Variants in THTPA observed in about 807,000 individuals in gnomAD.
The protein encoded by THTPA is thiamine-triphosphatase.
In THTPA, 16 loss-of-function variants were observed where a neutral mutation model predicts 16.5. That is an observed-to-expected ratio of 0.97 (90% CI 0.66 to 1.47). The LOEUF is 1.47. Among genes scored for constraint, THTPA ranks in the 40% most tolerant of loss-of-function variants. The probability of loss-of-function intolerance (pLI) is 0.00; values close to 1 mark genes in which losing one functional copy is unlikely to be tolerated. For synonymous variants in THTPA, 110 were observed against 115.5 expected (o/e 0.95, Z 0.30); for missense variants, 281 against 280.9 (o/e 1.00, Z 0.00).
chr14:23,552,710 T>C (rs1009863467), upstream of THTPA, among the ~76,000 whole-genome samples: 1 of 152,008 alleles, frequency 6.6e-6, no homozygotes, highest in African/African-American at 2.4e-5. Context: ...CAAGTGATTC[T>C]CCTGCCTCAG....
the THTPA span, chr14:23,538,052 C>T: frequency 1.3e-5 from 2 of 152,368 alleles, no homozygotes; most frequent in African/African-American, 4.8e-5. Context: ...CTAGGCAGAC[C>T]TAAGCCCCAA....
chr14:23,547,453 C>T, the THTPA span, among the ~76,000 whole-genome samples: 1 of 152,186 alleles, frequency 6.6e-6, no homozygotes. Flanking sequence ...TCTTTGGAAA[C>T]AACTCTCAAC....
the THTPA span, chr14:23,522,449 G>C: frequency 6.5e-7 from 1 of 1,536,316 alleles, no homozygotes; most frequent in African/African-American, 1.4e-5. Context: ...TGCTGTGGCT[G>C]TGGGCTCAGG....
the THTPA span, among the ~76,000 whole-genome samples, chr14:23,536,736 A>C: frequency 2.6e-5 from 4 of 152,220 alleles, no homozygotes; most frequent in African/African-American, 9.6e-5. Flanking sequence ...CTAGAAATGG[A>C]CTGATGAGGC....
chr14:23,521,649 G>A, the THTPA span: 1 of 321,540 alleles, frequency 3.1e-6, no homozygotes, highest in Non-Finnish European at 5.7e-6. Context: ...GATATATTTT[G>A]TGTGTGGTAG....
chr14:23,556,087 G>A (rs1005015997), upstream of THTPA: 1 of 152,672 alleles, frequency 6.5e-6, no homozygotes, highest in Non-Finnish European at 1.5e-5. Flanking sequence ...GGAGCAGAAT[G>A]CAAGGGGCGG....
chr14:23,535,112 C>T, the THTPA span: 1 of 1,536,216 alleles, frequency 6.5e-7, no homozygotes, highest in Non-Finnish European at 8.7e-7. The surrounding 1 kb of genome is among the most constrained non-coding windows in gnomAD (Gnocchi z 4.5). Context: ...TCCCCAATCT[C>T]CTTTGGTGGG....
upstream of THTPA, among the ~76,000 whole-genome samples, chr14:23,552,005 A>G (rs1882002025): frequency 6.6e-6 from 1 of 152,182 alleles, no homozygotes; most frequent in Non-Finnish European, 1.5e-5. Flanking sequence ...TGGCCTGCAG[A>G]AACCATACAT....
At position 23,559,981 on chromosome 14, in the gene THTPA, C is replaced by G; in HGVS notation, c.*1141C>G. 6.2e-7 allele frequency: 1 copy of G among 1,613,064 alleles called. No homozygotes were observed. Among genetic ancestry groups the G allele is most frequent in the African/African-American group, 1.3e-5 (1 of 75,024 alleles). ...TCTGAAGAGCTGGGTGATAGGAAGG[C>G]CACCCCGAGCTGGAACTGTGTTCCC... On this transcript the variant is annotated 3_prime_UTR_variant, in exon 2 of 2. Coordinates refer to ENST00000288014, the MANE Select transcript of THTPA (RefSeq NM_024328.6).
the THTPA span, chr14:23,526,853 C>T: frequency 1.3e-6 from 2 of 1,529,662 alleles, no homozygotes; most frequent in Non-Finnish European, 1.7e-6. Flanking sequence ...TTACCTGCTG[C>T]CTGGTCTCTG....
the THTPA span, chr14:23,514,579 C>G: frequency 6.6e-6 from 1 of 152,414 alleles, no homozygotes; most frequent in Non-Finnish European, 1.5e-5. Context: ...TCTCCTCCCC[C>G]TCCCTTCGCC....
chr14:23,557,060 G>C lies in THTPA; in HGVS notation c.303G>C (p.Leu101=). 14 of 1,614,236 alleles carry C rather than the reference G, an allele frequency of 8.7e-6. No individual in the cohort carries two copies. Among genetic ancestry groups the C allele is most frequent in the Non-Finnish European group, 1.2e-5 (14 of 1,180,046 alleles). ...GTAAGGTGCTGCGGGCTGACGGCCT[G>C]GGGGCTGGAGATGTGGCTGCTGTGC... The part of the protein sequence containing the change: ...QLCKVLRADG[L]GAGDVAAVLG... Residue 101 remains leucine (L), a synonymous_variant, in exon 1 of 2, where the codon CTG becomes CTC. Coordinates refer to ENST00000288014, the MANE Select transcript of THTPA (RefSeq NM_024328.6).
the THTPA span, chr14:23,529,691 C>T: frequency 6.5e-7 from 1 of 1,535,602 alleles, no homozygotes; most frequent in African/African-American, 1.4e-5. Context: ...CAGCTCTTCC[C>T]AGTTACCCCA....
chr14:23,531,781 CTTT>C, the THTPA span: 6 of 1,078,834 alleles, frequency 5.6e-6, no homozygotes, highest in South Asian at 7.7e-5. Flanking sequence ...CCTCAGGGGA[CTTT>C]TTTTTTTTTT....
the THTPA span, among the ~76,000 whole-genome samples, chr14:23,544,887 C>T: frequency 6.6e-6 from 1 of 152,108 alleles, no homozygotes; most frequent in Non-Finnish European, 1.5e-5. Flanking sequence ...TTCTGCTCCT[C>T]CTACCAGGTT....
chr14:23,538,818 G>A, the THTPA span, among the ~76,000 whole-genome samples: 20 of 152,152 alleles, frequency 1.3e-4, no homozygotes, highest in Non-Finnish European at 2.6e-4. Context: ...GGGCCTCTGT[G>A]AAGGAGAGGG....
chr14:23,527,901 CTTTTTTT>C, the THTPA span: 122 of 448,910 alleles, frequency 2.7e-4, no homozygotes, highest in Admixed American at 5.6e-4. Context: ...GCCCCCACTC[CTTTTTTT>C]TTTTTTTTTT....
At chr14:23,549,713 T>C in the THTPA span, among the ~76,000 whole-genome samples, 1 of 152,168 alleles carries the variant, frequency 6.6e-6, no homozygotes, top group African/African-American at 2.4e-5. Flanking sequence ...AAAATCAAAG[T>C]TGACAGTTAA....
At chr14:23,516,816 G>A in the THTPA span, among the ~76,000 whole-genome samples, 1 of 152,202 alleles carries the variant, frequency 6.6e-6, no homozygotes, top group African/African-American at 2.4e-5. Flanking sequence ...AGCACAGCAT[G>A]GGTCATTCTT....
Sources: gnomAD v4.1 joint callset for allele counts (sites outside exome capture counted in the v4.1 genomes callset) on GRCh38, gnomAD v4.1.1 for gene constraint, Gnocchi (gnomAD v3.1) non-coding constraint, MANE v1.5 for transcripts, NCBI Gene and HGNC (gene_info 2026-07-23, HGNC 2026-07-21) for gene names.